MRE11: variants seen among roughly 807,000 people sequenced by gnomAD.
MRE11 encodes the protein MRE11 double strand break repair nuclease, also known as double-strand break repair protein MRE11.
MRE11 carries 62 observed loss-of-function variants against 91.7 expected under a neutral mutation model. That is an observed-to-expected ratio of 0.68 (90% CI 0.55 to 0.84). MRE11 has a LOEUF of 0.84. MRE11 is among the 40% of genes least tolerant of loss of function. MRE11 has a pLI of 0.00. For missense variants in MRE11, 796 were observed against 852.9 expected (o/e 0.93, Z 0.83); for synonymous variants, 273 against 271.4 (o/e 1.01, Z -0.06).
upstream of MRE11, chr11:94,498,467 A>G (rs1249435869): frequency 2.5e-6 from 4 of 1,613,836 alleles, no homozygotes; most frequent in Non-Finnish European, 3.4e-6. Flanking sequence ...TGCCAGGAGG[A>G]CAAGTATCTA....
chr11:94,443,844 G>A (rs766280398), intron 16 of MRE11, among the ~76,000 whole-genome samples: 2 of 151,284 alleles, frequency 1.3e-5, no homozygotes, highest in Admixed American at 6.6e-5. Context: ...CATTTTACAC[G>A]ATAGAACATA....
upstream of MRE11, chr11:94,498,743 A>G: frequency 1.8e-6 from 1 of 568,156 alleles, no homozygotes. Context: ...GGAGTTTGTG[A>G]TTTTTTTATC....
Position 94,492,322 on chromosome 11 carries a change from A to C in MRE11, c.20+460T>G, listed in dbSNP as rs1407126767. ...AGGCTGGTCTCCAAATCCTGACCTC[A>C]GATGATCCCGCTAGCCTCGGCCTCC... is the stretch of plus-strand genomic sequence containing the variant. On this transcript the variant is annotated intron_variant, in intron 2 of 19. Transcript: ENST00000323929. Among the ~76,000 whole-genome samples, 6 of 152,274 alleles carry C rather than the reference A, an allele frequency of 3.9e-5. No individual in the cohort carries two copies. In the East Asian group the frequency reaches 1.2e-3, roughly 29 times the overall value.
rs199539992 is a variant in MRE11 at position 94,486,159 on chromosome 11, T to TA, written c.154-76dup. ...TTTTGTAAACTACAGATGAAAGAGA[T>TA]AAAAAAAAACTCACAAAAGACACTA... On this transcript the variant is annotated intron_variant, in intron 3 of 19. Coordinates refer to ENST00000323929, the MANE Select transcript of MRE11 (RefSeq NM_005591.4). The TA allele has an allele frequency of 9.9e-4, 1,398 of 1,409,988 alleles. 2 individuals are homozygous for TA. The highest frequency in any genetic ancestry group is 2.7e-3 in the African/African-American group (182 of 68,448). 87.3% of individuals were successfully genotyped at this position (1,409,988 alleles called of 1,614,324 possible). A position where few individuals can be genotyped will look rare whatever the true frequency, so the allele number is the denominator to read the frequency against.
chr11:94,507,768 C>G, the MRE11 span, among the ~76,000 whole-genome samples: 735 of 152,214 alleles, frequency 4.8e-3, 6 homozygotes, highest in African/African-American at 0.017. Flanking sequence ...TGTGTGATGA[C>G]TGACCACTTG....
chr11:94,479,276 C>G (rs2135088501), intron 5 of MRE11, among the ~76,000 whole-genome samples: 1 of 152,210 alleles, frequency 6.6e-6, no homozygotes, highest in South Asian at 2.1e-4. Context: ...GATCTCTAGT[C>G]TTACTTCCAT....
chr11:94,423,388 A>G (rs1027414336), intron 19 of MRE11, among the ~76,000 whole-genome samples: 31 of 152,198 alleles, frequency 2.0e-4, no homozygotes, highest in African/African-American at 7.0e-4. Context: ...TGGCCCAAAC[A>G]GTAGGCAGAG....
chr11:94,505,223 G>A, the MRE11 span, among the ~76,000 whole-genome samples: 1 of 152,112 alleles, frequency 6.6e-6, no homozygotes, highest in African/African-American at 2.4e-5. Context: ...ATTAAAAAAA[G>A]TGAACTGTAT....
rs762144883 is a variant in MRE11 at position 94,470,598 on chromosome 11, T to C, written c.890A>G (p.His297Arg). 1 of 1,613,310 alleles carries C rather than the reference T, an allele frequency of 6.2e-7. No homozygotes were observed. Among genetic ancestry groups the C allele is most frequent in the East Asian group, 2.2e-5 (1 of 44,836 alleles). Reference sequence around the variant, plus strand: ...CCGCACTGTGTGAAGAGGAATTTTATGCATATTCATCTTCCTCCCTTTAAT... The same window carrying C: ...CCGCACTGTGTGAAGAGGAATTTTACGCATATTCATCTTCCTCCCTTTAAT... ...LRIKGRKMNM[H>R]KIPLHTVRQF... The change falls in exon 9 of 20, where the codon CAT becomes CGT. Residue 297 changes from histidine to arginine, a missense_variant. Transcript: ENST00000323929.
At position 94,416,159 on chromosome 11, in the gene MRE11, T is replaced by C. The variant is rs1378006506; in HGVS notation, c.*3966A>G. ...TTCTTGGTAGTCTTGCCAACAGTAA[T>C]TGGAGAAACGTGTTCCTAATTGTCG... On this transcript the variant is annotated 3_prime_UTR_variant, in exon 20 of 20. Transcript: ENST00000323929. The C allele has an allele frequency of 6.6e-6, 1 of 152,180 alleles. No homozygotes were observed. The allele number at this position is 152,180 out of a possible 1,614,324, so 9.4% of individuals were successfully genotyped here. A position where few individuals can be genotyped will look rare whatever the true frequency, so the allele number is the denominator to read the frequency against.
intron 12 of MRE11, among the ~76,000 whole-genome samples, chr11:94,460,569 T>C (rs546439605): frequency 6.6e-6 from 1 of 152,356 alleles, no homozygotes; most frequent in East Asian, 1.9e-4. Flanking sequence ...TAATTTTCTT[T>C]GATGTGCAGC....
At chr11:94,474,105 G>C (rs1162362373) in intron 7 of MRE11, among the ~76,000 whole-genome samples, 1 of 152,128 alleles carries the variant, frequency 6.6e-6, no homozygotes, top group African/African-American at 2.4e-5. Context: ...CCTGGTAGCA[G>C]TAAGCACACC....
At position 94,420,049 on chromosome 11, in the gene MRE11, T is replaced by G; in HGVS notation, c.*76A>C. On this transcript the variant is annotated 3_prime_UTR_variant, in exon 20 of 20. Transcript: ENST00000323929. ...TGCTCAGGAAACAATACTTAAAATC[T>G]TAAACTGTAAACTCTTAGCTTGTAA... 1 of 1,240,008 alleles carries G rather than the reference T, an allele frequency of 8.1e-7. No homozygotes were observed. The highest frequency in any genetic ancestry group is 1.2e-6 in the Non-Finnish European group (1 of 859,922). 76.8% of individuals were successfully genotyped at this position (1,240,008 alleles called of 1,614,324 possible). A position where few individuals can be genotyped will look rare whatever the true frequency, so the allele number is the denominator to read the frequency against.
Position 94,471,430 on chromosome 11 carries a change from G to C in MRE11, c.845+144C>G, listed in dbSNP as rs1417299794. 5.3e-6 allele frequency: 4 copies of C among 754,978 alleles called. No individual in the cohort carries two copies. The Admixed American group carries it at 7.9e-5, about 15-fold the overall frequency. The allele number at this position is 754,978 out of a possible 1,614,324, so 46.8% of individuals were successfully genotyped here. A position where few individuals can be genotyped will look rare whatever the true frequency, so the allele number is the denominator to read the frequency against. ...GAAAAACAATAAGACTACACAGAAT[G>C]ATCAATTTTCAAAAATAAAGCTATC... On this transcript the variant is annotated intron_variant, in intron 8 of 19. Coordinates refer to ENST00000323929, the MANE Select transcript of MRE11 (RefSeq NM_005591.4).
intron 12 of MRE11, among the ~76,000 whole-genome samples, 179 bp from the exon 13 acceptor site, chr11:94,459,760 A>C (rs1432308957): frequency 1.3e-5 from 2 of 152,194 alleles, no homozygotes; most frequent in East Asian, 3.8e-4. Context: ...ATGGGGGAGG[A>C]GTACAGGACA....
chr11:94,479,874 C>A, intron 4 of MRE11, 113 bp from the exon 5 acceptor site: 1 of 752,800 alleles, frequency 1.3e-6, no homozygotes, highest in South Asian at 1.5e-5. Context: ...TCTACATTGG[C>A]ATATGACCAC....
chr11:94,507,002 A>G, the MRE11 span, among the ~76,000 whole-genome samples: 121 of 152,268 alleles, frequency 7.9e-4, 2 homozygotes, highest in Non-Finnish European at 1.5e-3. Flanking sequence ...TAATTTTTGT[A>G]TAATTTTATA....
chr11:94,495,046 G>A (rs1033840509), upstream of MRE11, among the ~76,000 whole-genome samples: 8 of 152,066 alleles, frequency 5.3e-5, no homozygotes, highest in African/African-American at 1.9e-4. Context: ...CTGAAAAGCC[G>A]GATTGGCCTT....
At chr11:94,452,862 C>T (rs1565216021) in intron 14 of MRE11, among the ~76,000 whole-genome samples, 1 of 151,988 alleles carries the variant, frequency 6.6e-6, no homozygotes, top group Non-Finnish European at 1.5e-5. Flanking sequence ...CTCTTTTTAC[C>T]ACTTTTAGGT....
Sources: gnomAD v4.1 joint callset for allele counts (sites outside exome capture counted in the v4.1 genomes callset) on GRCh38, gnomAD v4.1.1 for gene constraint, MANE v1.5 for transcripts, NCBI Gene and HGNC (gene_info 2026-07-23, HGNC 2026-07-21) for gene names.